SCRIB: variants seen among roughly 807,000 people sequenced by gnomAD.
SCRIB encodes the protein scribble planar cell polarity protein, also known as protein scribble homolog.
SCRIB carries 72 observed loss-of-function variants against 170.0 expected under a neutral mutation model. The observed-to-expected ratio is 0.42, with a 90% CI of 0.35 to 0.52. SCRIB has a LOEUF of 0.52. SCRIB is among the 20% of genes least tolerant of loss of function. The probability of loss-of-function intolerance (pLI) is 0.02; values close to 1 mark genes in which losing one functional copy is unlikely to be tolerated. For missense variants in SCRIB, 2,475 were observed against 2,338.5 expected, an observed-to-expected ratio of 1.06 and a Z score of -1.20; for synonymous variants, 1,298 against 1,044.3, an observed-to-expected ratio of 1.24 and a Z score of -4.68.
rs151260103 is a variant in SCRIB, at chr8:143,806,410, C to T, written c.2343G>A (p.Leu781=). The change falls in exon 18 of 37, where the codon CTG becomes CTA. Residue 781 remains leucine (L), a synonymous_variant. Coordinates refer to ENST00000356994, the MANE Select transcript of SCRIB (RefSeq NM_182706.5). ...RAGVRVGDKL[L]EVNGVALQGA... ...GGCGGAGAGGTTGCCGACTCACCTC[C>T]AGGAGCTTGTCACCCACACGGACTC... The T allele has an allele frequency of 2.1e-4, 335 of 1,603,406 alleles. No individual in the cohort carries two copies. The African/African-American group carries it at 3.7e-3, about 18-fold the overall frequency.
Position 143,791,883 on chromosome 8 carries a change from C to G in SCRIB, c.4688G>C (p.Gly1563Ala), listed in dbSNP as rs782347824. ...DLGPQTSTSP[G>A]RLPLSGKKFD... ...TAGCCACCGGCTCCTCACCAGGCGT[C>G]CCGGGGAGGTGCTGGTCTGGGGGCC... Residue 1563 changes from glycine (G) to alanine (A), a missense_variant, in exon 34 of 37, where the codon GGA becomes GCA. Physicochemically the swap from Gly to Ala is moderately conservative, Grantham distance 60. Transcript: ENST00000356994. The G allele has an allele frequency of 5.2e-6, 8 of 1,525,506 alleles. No homozygotes were observed. The South Asian group carries it at 1.0e-4, about 19-fold the overall frequency. 94.5% of individuals were successfully genotyped at this position (1,525,506 alleles called of 1,614,324 possible).
chr8:143,808,854 C>G lies in SCRIB; in HGVS notation c.1870G>C (p.Ala624Pro). Residue 624 changes from alanine (A) to proline (P), a missense_variant, in exon 15 of 37, where the codon GCC becomes CCC. Physicochemically the swap from Ala to Pro is conservative, Grantham distance 27 (BLOSUM62 -1). This residue lies in a region of SCRIB where 1,966 missense variants were observed against 1,742.9 expected (regional missense o/e 1.13). Transcript: ENST00000356994. ...FKISKLPQPE[A>P]VVALLQGMQP... The stretch of plus-strand genomic sequence containing the variant: ...ATGCCCTGCAGCAGAGCCACAACGG[C>G]CTCGGGCTGGGGCAGCTTGGAGATC... 1 of 1,610,794 alleles carries G rather than the reference C, an allele frequency of 6.2e-7. No individual in the cohort carries two copies. The highest frequency in any genetic ancestry group is 8.5e-7 in the Non-Finnish European group (1 of 1,179,924).
In SCRIB at chr8:143,815,550, CGCTCGGACT is replaced by C. The variant is rs1002527270; in HGVS notation, c.-187_-179del. The C allele has an allele frequency of 6.6e-5, 65 of 979,754 alleles. No homozygotes were observed. Among genetic ancestry groups the C allele is most frequent in the Non-Finnish European group, 7.1e-5 (59 of 827,854 alleles). The allele number at this position is 979,754 out of a possible 1,614,324, so 60.7% of individuals were successfully genotyped here. ...CGCTGGGCCCGGCCCGCGCTCGGAACGCTCGGACTGCGGGCCTGGGCAGGGGGCGCGGCC... is the reference window on the plus strand; with the variant it reads ...CGCTGGGCCCGGCCCGCGCTCGGAACGCGGGCCTGGGCAGGGGGCGCGGCC... On this transcript the variant is annotated 5_prime_UTR_variant, in exon 1 of 37. Transcript: ENST00000356994.
chr8:143,793,021 G>C lies in SCRIB; in HGVS notation c.3972C>G (p.Phe1324Leu), dbSNP rs372252169. The C allele has an allele frequency of 9.9e-6, 15 of 1,515,354 alleles. No individual in the cohort carries two copies. Among genetic ancestry groups the C allele is most frequent in the Admixed American group, 2.2e-5 (1 of 44,716 alleles). The allele number at this position is 1,515,354 out of a possible 1,614,324, so 93.9% of individuals were successfully genotyped here. A position where few individuals can be genotyped will look rare whatever the true frequency, so the allele number is the denominator to read the frequency against. The change falls in exon 29 of 37, where the codon TTC becomes TTG. Residue 1324 changes from phenylalanine to leucine, a missense_variant. This residue lies in a region of SCRIB where 1,966 missense variants were observed against 1,742.9 expected (regional missense o/e 1.13). Transcript: ENST00000356994. ...PANVKQAYRA[F>L]AAVPTSHPPE... ...GCGGGTGAGAAGTGGGCACGGCCGC[G>C]AAGGCCCTGTAGGCCTGCTTCACAT...
chr8:143,802,397 G>C (rs1026892925), intron 24 of SCRIB, among the ~76,000 whole-genome samples: 1 of 152,258 alleles, frequency 6.6e-6, no homozygotes, highest in Admixed American at 6.5e-5. Flanking sequence ...AGGGGCCGCC[G>C]CATCCCAGAG....
intron 24 of SCRIB, among the ~76,000 whole-genome samples, chr8:143,800,703 C>T (rs1235165977): frequency 6.6e-6 from 1 of 152,238 alleles, no homozygotes; most frequent in Non-Finnish European, 1.5e-5. Flanking sequence ...GACAAAACCC[C>T]GTTTCTACAG....
At position 143,811,235 on chromosome 8, in the gene SCRIB, G is replaced by A. The variant is rs779766623; in HGVS notation, c.1017C>T (p.Val339=). The A allele has an allele frequency of 6.3e-5, 102 of 1,611,250 alleles. No homozygotes were observed. In the African/African-American group the frequency reaches 6.7e-4, roughly 11 times the overall value. ...PEIGGCVALS[V]LSLRDNRLAV... ...CCAGGCGGTTGTCCCTCAAGGAGAG[G>A]ACGCTGAGTGCCACACAGCCCCCGA... Residue 339 remains valine, a synonymous_variant, in exon 10 of 37, where the codon GTC becomes GTT. Coordinates refer to ENST00000356994, the MANE Select transcript of SCRIB (RefSeq NM_182706.5).
chr8:143,811,757 A>C (rs1219230187), intron 9 of SCRIB, among the ~76,000 whole-genome samples: 2 of 151,918 alleles, frequency 1.3e-5, no homozygotes, highest in Non-Finnish European at 2.9e-5. Context: ...CCTGAACCCC[A>C]GAGTCCCTTT....
chr8:143,806,590 GCC>G, intron 17 of SCRIB, 106 bp from the exon 18 acceptor site: 1 of 899,864 alleles, frequency 1.1e-6, no homozygotes, highest in Non-Finnish European at 1.7e-6. Flanking sequence ...GCAGCCCCTA[GCC>G]CTGGCCAGCA....
At chr8:143,793,407 G>C in intron 28 of SCRIB, 1 of 300,708 alleles carries the variant, frequency 3.3e-6, no homozygotes, top group Non-Finnish European at 6.1e-6. Context: ...GGCAAGGGAC[G>C]GGGGTAGAGA....
chr8:143,794,394 G>A (rs1285630040), intron 27 of SCRIB, among the ~76,000 whole-genome samples: 1 of 152,136 alleles, frequency 6.6e-6, no homozygotes, highest in Non-Finnish European at 1.5e-5. Context: ...CCTCCCGGAA[G>A]CCTCCCTCTT....
chr8:143,812,448 G>T, intron 8 of SCRIB, 64 bp from the exon 9 acceptor site: 3 of 1,240,154 alleles, frequency 2.4e-6, no homozygotes, highest in Non-Finnish European at 3.6e-6. Context: ...TACCCACCTG[G>T]CCAGAAGCGC....
rs755574878 is a variant in SCRIB at position 143,810,731 on chromosome 8, G to A, written c.1359C>T (p.Ala453=). Residue 453 remains alanine, a synonymous_variant, in exon 12 of 37, where the codon GCC becomes GCT. Coordinates refer to ENST00000356994, the MANE Select transcript of SCRIB (RefSeq NM_182706.5). ...SRVSVIQFLE[A]PIGDEDAEEA... The stretch of plus-strand genomic sequence containing the variant: ...CCTCAGCGTCCTCATCACCTATGGG[G>A]GCCTCCAGGAACTGGATGACGCTGA... 6.8e-6 allele frequency: 11 copies of A among 1,609,054 alleles called. No homozygotes were observed. The highest frequency in any genetic ancestry group is 1.3e-5 in the African/African-American group (1 of 74,984).
At chr8:143,806,862 CA>C in intron 17 of SCRIB, 61 bp downstream of exon 17, 1 of 1,160,716 alleles carries the variant, frequency 8.6e-7, no homozygotes, top group African/African-American at 1.5e-5. Flanking sequence ...TGTGTGCCAT[CA>C]GTGTGAACTG....
Position 143,808,337 on chromosome 8 carries a change from C to A in SCRIB, c.2115+272G>T, listed in dbSNP as rs540680516. Among the ~76,000 whole-genome samples, 44 of 152,090 alleles carry A rather than the reference C, an allele frequency of 2.9e-4. 1 individual carries two copies. The South Asian group carries it at 8.8e-3, about 30-fold the overall frequency. ...CCTGGGGTCCAAGCATGGACTGAGA[C>A]CAACGCCAGGGCAGGCCTGGGGTCC... is the stretch of plus-strand genomic sequence containing the variant. On this transcript the variant is annotated intron_variant, in intron 15 of 36. Transcript: ENST00000356994.
At chr8:143,807,796 C>T (rs937170671) in intron 15 of SCRIB, among the ~76,000 whole-genome samples, 182 bp from the exon 16 acceptor site, 1 of 152,148 alleles carries the variant, frequency 6.6e-6, no homozygotes, top group Non-Finnish European at 1.5e-5. Context: ...TGGGGACAAG[C>T]GGGGCTCCAG....
chr8:143,799,699 C>T (rs1316859680), intron 24 of SCRIB, among the ~76,000 whole-genome samples: 3 of 151,950 alleles, frequency 2.0e-5, no homozygotes, highest in Admixed American at 6.5e-5. Flanking sequence ...AGTCAAGGCC[C>T]GACAGCAAGT....
At chr8:143,812,747 C>T (rs1178136652) in intron 8 of SCRIB, 70 bp downstream of exon 8, 1 of 1,548,374 alleles carries the variant, frequency 6.5e-7, no homozygotes, top group East Asian at 2.3e-5. Context: ...CACACACAGC[C>T]CCGACGCCCC....
In SCRIB at chr8:143,812,398, G is replaced by C; in HGVS notation, c.788-14C>G. The C allele has an allele frequency of 6.3e-7, 1 of 1,575,098 alleles. No homozygotes were observed. Among genetic ancestry groups the C allele is most frequent in the Non-Finnish European group, 8.7e-7 (1 of 1,144,838 alleles). ...GCTTCAGCTGACCTGGCGTCGGGGA[G>C]ACAGGGGGACAAGGCTGAGCATGGT... On this transcript the variant is annotated splice_polypyrimidine_tract_variant and intron_variant, in intron 8 of 36. Transcript: ENST00000356994.
Sources: gnomAD v4.1 joint callset for allele counts (sites outside exome capture counted in the v4.1 genomes callset) on GRCh38, gnomAD v4.1.1 for gene constraint, gnomAD v4.1.1 regional missense constraint, MANE v1.5 for transcripts, NCBI Gene and HGNC (gene_info 2026-07-23, HGNC 2026-07-21) for gene names.